ZNF536: variants seen among roughly 807,000 people sequenced by gnomAD.
ZNF536 encodes the protein zinc finger protein 536.
ZNF536 carries 13 observed loss-of-function variants against 84.5 expected under a neutral mutation model. That is an observed-to-expected ratio of 0.15 (90% confidence interval 0.10 to 0.24). ZNF536 has a LOEUF of 0.24. Among genes scored for constraint, ZNF536 ranks in the 10% least tolerant of loss-of-function variants. ZNF536 has a pLI of 1.00. For missense variants in ZNF536, 1,536 were observed against 1,747.5 expected, an observed-to-expected ratio of 0.88 and a Z score of 2.16; for synonymous variants, 811 against 742.5, an observed-to-expected ratio of 1.09 and a Z score of -1.50.
At chr19:30,399,703 G>A (rs529933725) in intron 1 of ZNF536, among the ~76,000 whole-genome samples, 13 of 122,938 alleles carry the variant, frequency 1.1e-4, no homozygotes, top group Non-Finnish European at 2.2e-4. Flanking sequence ...TTTTTGAGAT[G>A]GAGTTTTGCT....
intron 1 of ZNF536, among the ~76,000 whole-genome samples, chr19:30,701,427 A>G (rs1412866407): frequency 6.6e-6 from 1 of 151,620 alleles, no homozygotes; most frequent in African/African-American, 2.4e-5. Context: ...ACACACAAAC[A>G]CACACACAGA....
rs1354428987 is a variant in ZNF536, at chr19:30,449,579, G to A, written c.2170+3847G>A. Among the ~76,000 whole-genome samples, 7 of 152,316 alleles carry A rather than the reference G, an allele frequency of 4.6e-5. No individual in the cohort carries two copies. In the East Asian group the frequency reaches 7.7e-4, roughly 17 times the overall value. On this transcript the variant is annotated intron_variant, in intron 2 of 4. Coordinates refer to ENST00000355537, the MANE Select transcript of ZNF536 (RefSeq NM_014717.3). ...TACCTTCTGAATTCCACATAATTTT[G>A]GAGTGGGGATAATTGAAGTGTTGAT...
chr19:30,344,512 C>A (rs543012564), intron 2 of ZNF536, among the ~76,000 whole-genome samples: 1 of 149,708 alleles, frequency 6.7e-6, no homozygotes, highest in African/African-American at 2.5e-5. Flanking sequence ...GGACATGATG[C>A]ATCCGTCACC....
upstream of ZNF536, chr19:30,228,178 GA>G (rs1440765160): frequency 6.6e-6 from 1 of 152,050 alleles, no homozygotes; most frequent in African/African-American, 2.4e-5. The surrounding 1 kb of genome is among the most constrained non-coding windows in gnomAD (Gnocchi z 4.5). Context: ...CTGGGGTTGG[GA>G]GGGGGGGCGA....
At chr19:30,660,314 C>T (rs986271347) in intron 1 of ZNF536, among the ~76,000 whole-genome samples, 2 of 152,152 alleles carry the variant, frequency 1.3e-5, no homozygotes, top group East Asian at 1.9e-4. Flanking sequence ...TTCCGAGAGA[C>T]GTTGTTTGAC....
At chr19:30,587,321 C>T (rs2047128514) in intron 1 of ZNF536, among the ~76,000 whole-genome samples, 1 of 152,194 alleles carries the variant, frequency 6.6e-6, no homozygotes, top group Non-Finnish European at 1.5e-5. Flanking sequence ...AATGTTAGAT[C>T]TATTCTCAGA....
At chr19:30,558,861 G>A (rs1039848235), downstream of ZNF536, among the ~76,000 whole-genome samples, 4 of 149,884 alleles carry the variant, frequency 2.7e-5, no homozygotes. Flanking sequence ...CAATCTCATA[G>A]GACACAATCT....
chr19:30,626,344 G>A (rs2048676780), intron 1 of ZNF536, among the ~76,000 whole-genome samples: 1 of 151,744 alleles, frequency 6.6e-6, no homozygotes, highest in Non-Finnish European at 1.5e-5. Context: ...ATTAAAATAA[G>A]ATTTTCTGGG....
chr19:30,663,791 A>G (rs1291062091), intron 1 of ZNF536, among the ~76,000 whole-genome samples: 3 of 152,224 alleles, frequency 2.0e-5, no homozygotes, highest in East Asian at 1.9e-4. Flanking sequence ...ATAAAAATCT[A>G]TATGTCCATG....
At chr19:30,597,511 A>G (rs2047508862) in intron 1 of ZNF536, among the ~76,000 whole-genome samples, 1 of 152,194 alleles carries the variant, frequency 6.6e-6, no homozygotes, top group Non-Finnish European at 1.5e-5. Flanking sequence ...ATCTCAGTCT[A>G]CTGTGCCTTT....
intron 2 of ZNF536, among the ~76,000 whole-genome samples, chr19:30,341,294 A>C (rs1329436078): frequency 6.6e-6 from 1 of 152,272 alleles, no homozygotes; most frequent in African/African-American, 2.4e-5. Flanking sequence ...TTGAGATTGC[A>C]GTGATGTTGG....
chr19:30,514,904 G>T (rs956982416), intron 2 of ZNF536, among the ~76,000 whole-genome samples: 1 of 152,068 alleles, frequency 6.6e-6, no homozygotes, highest in Non-Finnish European at 1.5e-5. Flanking sequence ...GCCTGGATTT[G>T]TAATTCAACC....
chr19:30,616,142 CT>C (rs535231462), intron 1 of ZNF536, among the ~76,000 whole-genome samples: 88 of 152,192 alleles, frequency 5.8e-4, no homozygotes, highest in Middle Eastern at 6.8e-3. Context: ...ATAACCTGCT[CT>C]TTTTTTAAAC....
At chr19:30,332,112 AG>A (rs1157618394) in intron 2 of ZNF536, among the ~76,000 whole-genome samples, 1 of 152,176 alleles carries the variant, frequency 6.6e-6, no homozygotes, top group Non-Finnish European at 1.5e-5. Context: ...ATGGGCCCTC[AG>A]CATGCCATGT....
chr19:30,282,969 C>T (rs914101164), intron 1 of ZNF536, among the ~76,000 whole-genome samples: 7 of 152,168 alleles, frequency 4.6e-5, no homozygotes, highest in Non-Finnish European at 1.5e-5. Context: ...AAACACTTTT[C>T]GAGCATGCAG....
chr19:30,670,697 C>T (rs937606198), intron 1 of ZNF536, among the ~76,000 whole-genome samples: 5 of 152,210 alleles, frequency 3.3e-5, no homozygotes, highest in African/African-American at 1.2e-4. Flanking sequence ...CAGAGGCCTT[C>T]CTTCCCCAGA....
chr19:30,464,771 A>G (rs2053309621), intron 2 of ZNF536, among the ~76,000 whole-genome samples: 1 of 152,008 alleles, frequency 6.6e-6, no homozygotes. Context: ...AGGGCAGAAC[A>G]TGAGTGCCCA....
chr19:30,385,405 T>G (rs1386214940), intron 1 of ZNF536, among the ~76,000 whole-genome samples: 1 of 152,148 alleles, frequency 6.6e-6, no homozygotes. Flanking sequence ...GACAGCTGCC[T>G]GACGGGTGTC....
At chr19:30,273,711 C>G (rs909219740) in intron 1 of ZNF536, among the ~76,000 whole-genome samples, 1 of 152,200 alleles carries the variant, frequency 6.6e-6, no homozygotes, top group African/African-American at 2.4e-5. Flanking sequence ...TTAACCCTTT[C>G]TCTTCTTAAC....
Sources: allele counts gnomAD v4.1 joint callset (sites outside exome capture counted in the v4.1 genomes callset), GRCh38; gene constraint gnomAD v4.1.1; non-coding constraint Gnocchi (gnomAD v3.1); transcripts MANE v1.5; gene names NCBI Gene and HGNC (gene_info 2026-07-23, HGNC 2026-07-21).